SLC25A24: variants seen among roughly 807,000 people sequenced by gnomAD.
SLC25A24 encodes the protein solute carrier family 25 member 24, also known as mitochondrial adenyl nucleotide antiporter SLC25A24.
SLC25A24 carries 49 observed loss-of-function variants against 60.7 expected under a neutral mutation model. That is an observed-to-expected ratio of 0.81 (90% CI 0.64 to 1.02). The LOEUF (loss-of-function observed/expected upper bound fraction) is 1.02. Ranked by LOEUF, SLC25A24 falls within the 50% of genes least tolerant of loss-of-function variation. SLC25A24 has a pLI of 0.00. For synonymous variants in SLC25A24, 202 were observed against 200.6 expected (o/e 1.01, Z -0.06); for missense variants, 564 against 586.3 (o/e 0.96, Z 0.39).
chr1:108,161,370 A>C, intron 3 of SLC25A24, 77 bp from the exon 4 acceptor site: 2 of 764,598 alleles, frequency 2.6e-6, no homozygotes, highest in Non-Finnish European at 4.5e-6. Context: ...ACTTTACAGA[A>C]TGACAGTTTC....
chr1:108,144,433 A>G (rs1679529039), intron 7 of SLC25A24, among the ~76,000 whole-genome samples: 1 of 152,062 alleles, frequency 6.6e-6, no homozygotes, highest in South Asian at 2.1e-4. Flanking sequence ...GTTTTTGCCT[A>G]CTTTTTAAAA....
At chr1:108,196,663 G>A (rs1322433304) in intron 1 of SLC25A24, among the ~76,000 whole-genome samples, 2 of 152,184 alleles carry the variant, frequency 1.3e-5, no homozygotes, top group Admixed American at 1.3e-4. Flanking sequence ...CGAAGTGCTA[G>A]GAGATTTACT....
chr1:108,157,948 CT>C (rs565061601), intron 4 of SLC25A24, among the ~76,000 whole-genome samples: 11 of 151,124 alleles, frequency 7.3e-5, no homozygotes, highest in Non-Finnish European at 1.5e-4. Context: ...CATAGTCAAT[CT>C]TTTTTATTGC....
chr1:108,195,417 A>G (rs1209109175), intron 1 of SLC25A24, among the ~76,000 whole-genome samples: 1 of 152,222 alleles, frequency 6.6e-6, no homozygotes, highest in Non-Finnish European at 1.5e-5. Flanking sequence ...CAAAGATAGA[A>G]AGGGTATTTT....
At chr1:108,160,007 G>A (rs1009121055) in intron 4 of SLC25A24, among the ~76,000 whole-genome samples, 6 of 151,832 alleles carry the variant, frequency 4.0e-5, no homozygotes, top group Non-Finnish European at 7.4e-5. Context: ...GGTGGTGGCC[G>A]GGCAGAGGGG....
chr1:108,187,170 G>A (rs754906021), intron 1 of SLC25A24, among the ~76,000 whole-genome samples: 1 of 152,002 alleles, frequency 6.6e-6, no homozygotes, highest in East Asian at 1.9e-4. Context: ...CTGAGAGACA[G>A]ATCTGAAACT....
At chr1:108,194,659 C>G (rs536271213) in intron 1 of SLC25A24, among the ~76,000 whole-genome samples, 20 of 152,164 alleles carry the variant, frequency 1.3e-4, no homozygotes, top group Middle Eastern at 3.4e-3. Context: ...ATTTTTTATT[C>G]CCCATGCACC....
rs1648625720 is a variant in SLC25A24 at position 108,200,268 on chromosome 1, G to T, written c.-130C>A. On this transcript the variant is annotated 5_prime_UTR_variant, in exon 1 of 10. Coordinates refer to ENST00000565488, the MANE Select transcript of SLC25A24 (RefSeq NM_013386.5). Reference sequence around the variant, plus strand: ...GCAACAGCGTTTGGGGCGCCGTCGGGGTTGCGGCTGCGGCGCGCAGGGCGC... The same window carrying T: ...GCAACAGCGTTTGGGGCGCCGTCGGTGTTGCGGCTGCGGCGCGCAGGGCGC... 1 of 886,604 alleles carries T rather than the reference G, an allele frequency of 1.1e-6. No homozygotes were observed. Among genetic ancestry groups the T allele is most frequent in the Non-Finnish European group, 1.5e-6 (1 of 661,784 alleles). The allele number at this position is 886,604 out of a possible 1,614,324, so 54.9% of individuals were successfully genotyped here.
intron 5 of SLC25A24, among the ~76,000 whole-genome samples, chr1:108,156,212 C>T (rs573368300): frequency 7.6e-4 from 116 of 152,304 alleles, no homozygotes; most frequent in Non-Finnish European, 1.2e-3. Context: ...GATTTTCATC[C>T]GCATCTTTTC....
At chr1:108,155,277 T>C (rs1235428042) in intron 5 of SLC25A24, 142 bp from the exon 6 acceptor site, 21 of 760,360 alleles carry the variant, frequency 2.8e-5, no homozygotes, top group Non-Finnish European at 4.0e-5. Context: ...GGTTGAAAAA[T>C]ATATATAATG....
At chr1:108,156,048 G>T (rs1253560704) in intron 5 of SLC25A24, among the ~76,000 whole-genome samples, 6 of 151,930 alleles carry the variant, frequency 3.9e-5, no homozygotes, top group Admixed American at 3.9e-4. Context: ...GCCCCAATAA[G>T]AACTCTGCAC....
intron 3 of SLC25A24, among the ~76,000 whole-genome samples, chr1:108,165,470 G>T (rs1680222695): frequency 6.6e-6 from 1 of 151,824 alleles, no homozygotes; most frequent in Non-Finnish European, 1.5e-5. Context: ...TATGAATCTG[G>T]GTGCTCCTGT....
chr1:108,175,312 C>T (rs903903475), intron 3 of SLC25A24, among the ~76,000 whole-genome samples: 4 of 151,974 alleles, frequency 2.6e-5, no homozygotes, highest in Admixed American at 2.0e-4. Flanking sequence ...GGGTTTTTTT[C>T]CCTCTTTGCT....
chr1:108,160,397 C>T (rs1169317552), intron 4 of SLC25A24, among the ~76,000 whole-genome samples: 33 of 151,060 alleles, frequency 2.2e-4, no homozygotes, highest in South Asian at 1.5e-3. Context: ...AGACGATGGG[C>T]GGCCGGGCAG....
intron 3 of SLC25A24, among the ~76,000 whole-genome samples, chr1:108,181,165 AGAG>A (rs1314413996): frequency 7.4e-5 from 1 of 13,484 alleles, no homozygotes; most frequent in Non-Finnish European, 1.4e-4. Context: ...AATTATGAAG[AGAG>A]AGAAAGGATG....
At position 108,182,003 on chromosome 1, in the gene SLC25A24, G is replaced by A. The variant is rs766798401; in HGVS notation, c.336C>T (p.Val112=). The change falls in exon 3 of 10, where the codon GTC becomes GTT. Residue 112 remains valine (V), a synonymous_variant. Coordinates refer to ENST00000565488, the MANE Select transcript of SLC25A24 (RefSeq NM_013386.5). ...TCAGACCCAGTGTCTGGAGAGACTG[G>A]ACAATTTCTGAAGCCTCAATTTTTC... ...NDGKIEASEI[V]QSLQTLGLTI... is the part of the protein sequence containing the mutation. The A allele has an allele frequency of 1.2e-6, 2 of 1,611,692 alleles. No individual in the cohort carries two copies. The highest frequency in any genetic ancestry group is 2.7e-5 in the African/African-American group (2 of 74,910).
At chr1:108,178,679 TG>T (rs930787676) in intron 3 of SLC25A24, among the ~76,000 whole-genome samples, 3 of 151,860 alleles carry the variant, frequency 2.0e-5, no homozygotes, top group Non-Finnish European at 4.4e-5. Flanking sequence ...CCGGGCGTGG[TG>T]GCGGGTGCCT....
intron 3 of SLC25A24, among the ~76,000 whole-genome samples, chr1:108,174,459 A>T (rs1248922381): frequency 6.6e-6 from 1 of 152,234 alleles, no homozygotes; most frequent in Non-Finnish European, 1.5e-5. Flanking sequence ...GGATGTCCAG[A>T]CAGAAGTTTG....
chr1:108,149,628 A>C lies in SLC25A24; in HGVS notation c.823-1242T>G, dbSNP rs796225612. Among the ~76,000 whole-genome samples, 12 of 152,188 alleles carry C rather than the reference A, an allele frequency of 7.9e-5. No homozygotes were observed. The South Asian group carries it at 1.2e-3, about 16-fold the overall frequency. On this transcript the variant is annotated intron_variant, in intron 6 of 9. Coordinates refer to ENST00000565488, the MANE Select transcript of SLC25A24 (RefSeq NM_013386.5). ...CAAACATAGACCATGGGAATTAGCC[A>C]GGCAAGCCAGATTCCTTCTCTCAGA...
Sources: allele counts gnomAD v4.1 joint callset (sites outside exome capture counted in the v4.1 genomes callset), GRCh38; gene constraint gnomAD v4.1.1; transcripts MANE v1.5; gene names NCBI Gene and HGNC (gene_info 2026-07-23, HGNC 2026-07-21).